REG4: variants seen among roughly 807,000 people sequenced by gnomAD.
The protein encoded by REG4 is regenerating family member 4.
Under a neutral mutation model 22.3 loss-of-function variants are expected in REG4, and 16 were observed. That is an observed-to-expected ratio of 0.72 (90% CI 0.49 to 1.09). The LOEUF is 1.09. REG4 is among the 50% of genes least tolerant of loss of function. The pLI is 0.00. For missense variants in REG4, 214 were observed against 193.9 expected (o/e 1.10, Z -0.61); for synonymous variants, 71 against 69.2 (o/e 1.03, Z -0.13).
chr1:119,799,636 C>T, intron 4 of REG4, 89 bp downstream of exon 4: 1 of 1,523,938 alleles, frequency 6.6e-7, no homozygotes, highest in Non-Finnish European at 8.9e-7. Context: ...CCCGCTGTGT[C>T]CTTGTTATAG....
chr1:119,808,823 GCGCT>G lies in REG4; in HGVS notation c.-58_-55del. 3 of 1,348,682 alleles carry G rather than the reference GCGCT, an allele frequency of 2.2e-6. No homozygotes were observed. The highest frequency in any genetic ancestry group is 3.2e-6 in the Non-Finnish European group (3 of 946,390). 83.5% of individuals were successfully genotyped at this position (1,348,682 alleles called of 1,614,324 possible). A position where few individuals can be genotyped will look rare whatever the true frequency, so the allele number is the denominator to read the frequency against. On this transcript the variant is annotated 5_prime_UTR_variant, in exon 2 of 6. Transcript: ENST00000256585. The stretch of plus-strand genomic sequence containing the variant: ...TGCAAGGATCTCAGAGACCTTACTA[GCGCT>G]TCTTTGAAACTCCTGGGTTCTCCTT...
chr1:119,801,831 C>G (rs1654111725), intron 3 of REG4: 2 of 152,390 alleles, frequency 1.3e-5, no homozygotes, highest in South Asian at 4.1e-4. Context: ...AGTGTCAATC[C>G]TGTGGGCTGT....
rs1056311295 is a variant in REG4, at chr1:119,803,099, A to G, written c.134T>C (p.Phe45Ser). Residue 45 changes from phenylalanine to serine, a missense_variant, in exon 3 of 6, where the codon TTC (phenylalanine) becomes TCC (serine). Transcript: ENST00000256585. ...FYHKSNCYGY[F>S]RKLRNWSDAE... Reference sequence around the variant, plus strand: ...ATCAGACCAGTTCCTCAGCTTCCTGAAGTAACCATAGCAATTGGACTTGTG... The same window carrying G: ...ATCAGACCAGTTCCTCAGCTTCCTGGAGTAACCATAGCAATTGGACTTGTG... 2 of 1,573,174 alleles carry G rather than the reference A, an allele frequency of 1.3e-6. No individual in the cohort carries two copies. Among genetic ancestry groups the G allele is most frequent in the African/African-American group, 1.4e-5 (1 of 73,404 alleles).
At chr1:119,806,145 T>C (rs978132739) in intron 2 of REG4, among the ~76,000 whole-genome samples, 1 of 152,130 alleles carries the variant, frequency 6.6e-6, no homozygotes, top group African/African-American at 2.4e-5. Context: ...TTTCGCCACA[T>C]TGCCCAGGCT....
At chr1:119,797,301 GCAGCAGCTGTGCTCTCA>G (rs1318869806) in intron 5 of REG4, among the ~76,000 whole-genome samples, 1 of 152,176 alleles carries the variant, frequency 6.6e-6, no homozygotes, top group East Asian at 1.9e-4. Context: ...GCCTTGAACA[GCAGCAGCTGTGCTCTCA>G]CTGGTCTGTG....
At chr1:119,805,298 T>C (rs941388310) in intron 2 of REG4, among the ~76,000 whole-genome samples, 1 of 152,122 alleles carries the variant, frequency 6.6e-6, no homozygotes, top group Non-Finnish European at 1.5e-5. Flanking sequence ...AAACATGCCT[T>C]CCAATGTAAT....
At position 119,802,369 on chromosome 1, in the gene REG4, T is replaced by A. The variant is rs923662477; in HGVS notation, c.165+699A>T. Reference sequence around the variant, plus strand: ...CATGTGGTAGGTGCTTCGTTCTTGTTTTTTTGTTTGTTTGTTTTGTTTTCT... The same window carrying A: ...CATGTGGTAGGTGCTTCGTTCTTGTATTTTTGTTTGTTTGTTTTGTTTTCT... On this transcript the variant is annotated intron_variant, in intron 3 of 5. Coordinates refer to ENST00000256585, the MANE Select transcript of REG4 (RefSeq NM_032044.4). 1.8e-5 allele frequency: 18 copies of A among 986,540 alleles called. No individual in the cohort carries two copies. The African/African-American group carries it at 3.0e-4, about 16-fold the overall frequency. 61.1% of individuals were successfully genotyped at this position (986,540 alleles called of 1,614,324 possible).
chr1:119,808,790 G>A lies in REG4; in HGVS notation c.-21C>T, dbSNP rs767705648. 3 of 1,593,498 alleles carry A rather than the reference G, an allele frequency of 1.9e-6. No homozygotes were observed. The highest frequency in any genetic ancestry group is 8.6e-7 in the Non-Finnish European group (1 of 1,161,878). The stretch of plus-strand genomic sequence containing the variant: ...GCCATCTTCCTCCTACCCTGAGGAT[G>A]TAGCTAGTGCAAGGATCTCAGAGAC... On this transcript the variant is annotated 5_prime_UTR_variant, in exon 2 of 6. Coordinates refer to ENST00000256585, the MANE Select transcript of REG4 (RefSeq NM_032044.4).
At chr1:119,796,126 A>C (rs1234938379) in intron 5 of REG4, among the ~76,000 whole-genome samples, 1 of 152,178 alleles carries the variant, frequency 6.6e-6, no homozygotes, top group Non-Finnish European at 1.5e-5. Context: ...TCAGATGATT[A>C]GGGCGATTAT....
chr1:119,799,436 ACACACAC>A (rs1183702041), intron 4 of REG4, among the ~76,000 whole-genome samples: 1 of 150,948 alleles, frequency 6.6e-6, no homozygotes, highest in African/African-American at 2.5e-5. Flanking sequence ...ACACACACAC[ACACACAC>A]ACACTTTTTA....
chr1:119,799,409 T>TACAC lies in REG4; in HGVS notation c.303+312_303+315dup, dbSNP rs58324924. On this transcript the variant is annotated intron_variant, in intron 4 of 5. Coordinates refer to ENST00000256585, the MANE Select transcript of REG4 (RefSeq NM_032044.4). ...CTGTCTCATAATAGGCCTGTGTGCG[T>TACAC]ACACACACACACACACACACACACA... 0.011 allele frequency among the ~76,000 whole-genome samples: 1,636 copies of TACAC among 150,348 alleles called. 109 individuals are homozygous for TACAC. In the East Asian group the frequency reaches 0.19, roughly 17 times the overall value.
chr1:119,805,658 C>A (rs957476922), intron 2 of REG4, among the ~76,000 whole-genome samples: 1 of 152,086 alleles, frequency 6.6e-6, no homozygotes, highest in African/African-American at 2.4e-5. Context: ...GTCTTACCAT[C>A]TCTCTGTTTG....
chr1:119,794,787 T>C (rs1653885731), intron 5 of REG4, 102 bp from the exon 6 acceptor site: 1 of 971,032 alleles, frequency 1.0e-6, no homozygotes, highest in African/African-American at 1.6e-5. Flanking sequence ...GGCAATATGA[T>C]GGTTGACTTT....
intron 3 of REG4, 178 bp downstream of exon 3, chr1:119,802,890 T>C: frequency 1.3e-6 from 2 of 1,554,686 alleles, no homozygotes; most frequent in Non-Finnish European, 1.7e-6. Context: ...GCTTCAGCAA[T>C]GCTTACAGAA....
At chr1:119,806,090 C>T (rs1654308531) in intron 2 of REG4, among the ~76,000 whole-genome samples, 1 of 152,112 alleles carries the variant, frequency 6.6e-6, no homozygotes, top group South Asian at 2.1e-4. Context: ...CACCACTGTA[C>T]CAGGCTAGTT....
At chr1:119,799,201 T>A (rs1010426082) in intron 4 of REG4, among the ~76,000 whole-genome samples, 2 of 151,684 alleles carry the variant, frequency 1.3e-5, no homozygotes, top group African/African-American at 4.8e-5. Flanking sequence ...CTAGACCTCA[T>A]CAACCAGCTG....
chr1:119,802,292 T>A, intron 3 of REG4: 1 of 966,236 alleles, frequency 1.0e-6, no homozygotes, highest in South Asian at 4.8e-5. Flanking sequence ...AATCCTGCAT[T>A]AATCCTGGGC....
chr1:119,796,274 A>G (rs1291157161), intron 5 of REG4, among the ~76,000 whole-genome samples: 3 of 152,212 alleles, frequency 2.0e-5, no homozygotes, highest in Non-Finnish European at 2.9e-5. Context: ...ACCTCAACGT[A>G]TACTGAATAT....
intron 1 of REG4, 182 bp from the exon 2 acceptor site, chr1:119,809,045 G>A (rs769324794): frequency 1.9e-4 from 66 of 352,078 alleles, no homozygotes; most frequent in Non-Finnish European, 2.7e-4. Flanking sequence ...GACCTCCTGG[G>A]CCAGTGCCAG....
Sources: gnomAD v4.1 joint callset for allele counts (sites outside exome capture counted in the v4.1 genomes callset) on GRCh38, gnomAD v4.1.1 for gene constraint, MANE v1.5 for transcripts, NCBI Gene and HGNC (gene_info 2026-07-23, HGNC 2026-07-21) for gene names.